The following SYMPK variants were observed in gnomAD, a reference collection of about 807,000 sequenced individuals.
The protein encoded by SYMPK is symplekin.
Under a neutral mutation model 136.4 loss-of-function variants are expected in SYMPK, and 49 were observed. That is an observed-to-expected ratio of 0.36 (90% CI 0.29 to 0.46). The LOEUF (loss-of-function observed/expected upper bound fraction) is 0.46, where lower values mean the gene tolerates loss of function less well. Among genes scored for constraint, SYMPK ranks in the 20% least tolerant of loss-of-function variants. The pLI is 1.00. For synonymous variants in SYMPK, 766 were observed against 713.0 expected, an observed-to-expected ratio of 1.07 and a Z score of -1.19; for missense variants, 1,365 against 1,690.0, an observed-to-expected ratio of 0.81 and a Z score of 3.37.
intron 5 of SYMPK, among the ~76,000 whole-genome samples, chr19:45,850,733 C>T (rs1446077783): frequency 2.0e-5 from 3 of 152,108 alleles, no homozygotes; most frequent in Non-Finnish European, 2.9e-5. Flanking sequence ...CTGCTCCAGG[C>T]AGGTACTGGG....
intron 3 of SYMPK, among the ~76,000 whole-genome samples, chr19:45,853,130 G>A (rs1185766022): frequency 1.3e-5 from 2 of 152,166 alleles, no homozygotes; most frequent in African/African-American, 2.4e-5. Context: ...ACCACCCATG[G>A]GGGAGGCACC....
At chr19:45,848,341 A>G (rs1189624855) in intron 6 of SYMPK, among the ~76,000 whole-genome samples, 3 of 152,238 alleles carry the variant, frequency 2.0e-5, no homozygotes, top group Non-Finnish European at 4.4e-5. Flanking sequence ...GCTAATGTAC[A>G]TCACACCATA....
chr19:45,859,975 A>T (rs1208865882), intron 1 of SYMPK, among the ~76,000 whole-genome samples: 2 of 150,126 alleles, frequency 1.3e-5, no homozygotes, highest in African/African-American at 5.0e-5. Flanking sequence ...AAAAAAAAAA[A>T]AAAAATTAGC....
intron 1 of SYMPK, chr19:45,854,906 C>A: frequency 5.8e-6 from 1 of 173,362 alleles, no homozygotes; most frequent in Non-Finnish European, 1.2e-5. Context: ...GAGATGAAGT[C>A]TTGCTCTGTC....
chr19:45,827,475 G>C (rs769258998), intron 16 of SYMPK, 35 bp downstream of exon 16: 2 of 1,546,048 alleles, frequency 1.3e-6, no homozygotes, highest in South Asian at 2.2e-5. Context: ...CAAGCTGCAG[G>C]CTGAGGGCAG....
chr19:45,827,072 C>G (rs1458457716), intron 16 of SYMPK, among the ~76,000 whole-genome samples: 1 of 152,184 alleles, frequency 6.6e-6, no homozygotes, highest in Non-Finnish European at 1.5e-5. Flanking sequence ...CTCCCCAGGG[C>G]AGCCACACAC....
Position 45,815,452 on chromosome 19 carries a change from A to C in SYMPK, c.*108T>G, listed in dbSNP as rs1970700398. On this transcript the variant is annotated 3_prime_UTR_variant, in exon 27 of 27. Transcript: ENST00000245934. ...TTTTTTTCTTTTCAGTAACTTGCCC[A>C]AGTTCACATCTTTTATTTCTTTTTA... The C allele has an allele frequency of 3.4e-5, 38 of 1,126,272 alleles. No individual in the cohort carries two copies. The South Asian group carries it at 5.1e-4, about 15-fold the overall frequency. The allele number at this position is 1,126,272 out of a possible 1,614,324, so 69.8% of individuals were successfully genotyped here.
At position 45,844,314 on chromosome 19, in the gene SYMPK, T is replaced by A. The variant is rs1971511655; in HGVS notation, c.677-114A>T. On this transcript the variant is annotated intron_variant, in intron 7 of 26. Transcript: ENST00000245934. ...ATCCTGGTACCTAGATGTCTATGAA[T>A]GGCGGGAAAAACAGAAAATGTGGTG... is the stretch of plus-strand genomic sequence containing the variant. 3 of 809,064 alleles carry A rather than the reference T, an allele frequency of 3.7e-6. No homozygotes were observed. In the Admixed American group the frequency reaches 9.4e-5, roughly 25 times the overall value. The allele number at this position is 809,064 out of a possible 1,614,324, so 50.1% of individuals were successfully genotyped here.
At chr19:45,836,077 TTTTA>T (rs1052744103) in intron 10 of SYMPK, among the ~76,000 whole-genome samples, 2 of 151,784 alleles carry the variant, frequency 1.3e-5, no homozygotes, top group Non-Finnish European at 2.9e-5. Context: ...ATAATTTCCT[TTTTA>T]TTTATTTATT....
Position 45,821,459 on chromosome 19 carries a change from G to A in SYMPK, c.2818C>T (p.Leu940=). The A allele has an allele frequency of 6.2e-7, 1 of 1,614,096 alleles. No individual in the cohort carries two copies. The highest frequency in any genetic ancestry group is 8.5e-7 in the Non-Finnish European group (1 of 1,179,990). ...HGEGNSALSP[L]NPGELLIALH... ...GCGATCAGGAGCTCTCCAGGGTTCAGCGGGGACAAGGCTGAGTTTCCCTCA... is the reference window on the plus strand; with the variant it reads ...GCGATCAGGAGCTCTCCAGGGTTCAACGGGGACAAGGCTGAGTTTCCCTCA... The change falls in exon 22 of 27, where the codon CTG becomes TTG. Residue 940 remains leucine (L), a synonymous_variant. Coordinates refer to ENST00000245934, the MANE Select transcript of SYMPK (RefSeq NM_004819.3). This position sits in a 1 kb window ranked among gnomAD's most constrained non-coding sequence, Gnocchi z 4.4.
chr19:45,823,219 G>A (rs563547093), intron 20 of SYMPK, among the ~76,000 whole-genome samples, 153 bp downstream of exon 20: 69 of 152,268 alleles, frequency 4.5e-4, no homozygotes, highest in African/African-American at 1.6e-3. Context: ...CCCAGGTGTC[G>A]GCGGCTTCCA....
At chr19:45,862,779 A>T (rs2146355452) in intron 1 of SYMPK, among the ~76,000 whole-genome samples, 1 of 152,298 alleles carries the variant, frequency 6.6e-6, no homozygotes, top group South Asian at 2.1e-4. Context: ...AGTTTAAGGA[A>T]CCGAAAGGCC....
At chr19:45,838,390 G>A (rs531385860) in intron 10 of SYMPK, 71 bp downstream of exon 10, 2 of 1,526,182 alleles carry the variant, frequency 1.3e-6, no homozygotes, top group Admixed American at 1.9e-5. Context: ...GGTGTGAAGT[G>A]GAGGCAGGTG....
intron 10 of SYMPK, among the ~76,000 whole-genome samples, chr19:45,836,839 T>C (rs1314406960): frequency 2.0e-5 from 3 of 152,088 alleles, no homozygotes; most frequent in Non-Finnish European, 4.4e-5. Context: ...AGACAGGGTC[T>C]CGCTATGTTG....
chr19:45,840,982 G>T (rs1971421411), intron 9 of SYMPK, among the ~76,000 whole-genome samples: 1 of 151,778 alleles, frequency 6.6e-6, no homozygotes, highest in South Asian at 2.1e-4. Flanking sequence ...TCACTCCTTA[G>T]ATAAATTCCT....
At chr19:45,816,600 G>A (rs1970746748) in intron 24 of SYMPK, 23 bp from the exon 25 acceptor site, 1 of 1,613,002 alleles carries the variant, frequency 6.2e-7, no homozygotes, top group Non-Finnish European at 8.5e-7. Context: ...CAGGAAGGGG[G>A]CGCTGGGGGC....
At chr19:45,816,659 A>G (rs531936066) in intron 24 of SYMPK, 82 bp from the exon 25 acceptor site, 391 of 1,572,356 alleles carry the variant, frequency 2.5e-4, no homozygotes, top group Non-Finnish European at 3.2e-4. Flanking sequence ...CGGGGGCCCT[A>G]ACCCTCCAGA....
At chr19:45,828,897 A>T in intron 14 of SYMPK, 73 bp downstream of exon 14, 1 of 1,465,944 alleles carries the variant, frequency 6.8e-7, no homozygotes, top group Non-Finnish European at 9.5e-7. Context: ...AGGTGGTCGC[A>T]ATCAGAAAGG....
At chr19:45,852,259 T>C in intron 5 of SYMPK, 53 bp downstream of exon 5, 1 of 1,603,824 alleles carries the variant, frequency 6.2e-7, no homozygotes, top group African/African-American at 1.3e-5. Flanking sequence ...GGCCACGAGC[T>C]GAAGGCTGCC....
Sources: gnomAD v4.1 joint callset for allele counts (sites outside exome capture counted in the v4.1 genomes callset) on GRCh38, gnomAD v4.1.1 for gene constraint, Gnocchi (gnomAD v3.1) non-coding constraint, MANE v1.5 for transcripts, NCBI Gene and HGNC (gene_info 2026-07-23, HGNC 2026-07-21) for gene names.